DCC: variants seen among roughly 807,000 people sequenced by gnomAD.
The protein encoded by DCC is netrin receptor DCC.
A neutral mutation model predicts 172.5 loss-of-function variants in DCC; 58 were observed. The observed-to-expected ratio is 0.34, with a 90% confidence interval of 0.27 to 0.42. The LOEUF (loss-of-function observed/expected upper bound fraction) is 0.42, where lower values mean the gene tolerates loss of function less well. Ranked by LOEUF, DCC falls within the 10% of genes least tolerant of loss-of-function variation. DCC has a pLI of 1.00. For missense variants in DCC, 1,740 were observed against 1,791.0 expected, an observed-to-expected ratio of 0.97 and a Z score of 0.51; for synonymous variants, 709 against 644.5, an observed-to-expected ratio of 1.10 and a Z score of -1.52.
chr18:52,758,684 C>A (rs1192782884), intron 2 of DCC: 1 of 148,602 alleles, frequency 6.7e-6, no homozygotes, highest in East Asian at 2.0e-4. Context: ...AAAAAAAAAA[C>A]CTTAACTGAA....
intron 2 of DCC, among the ~76,000 whole-genome samples, chr18:52,776,560 A>G (rs1031276519): frequency 6.6e-6 from 1 of 152,170 alleles, no homozygotes; most frequent in Admixed American, 6.5e-5. Context: ...CAAATATATA[A>G]AATAACATCC....
At chr18:52,760,601 T>C (rs1379203113) in intron 2 of DCC, among the ~76,000 whole-genome samples, 1 of 152,216 alleles carries the variant, frequency 6.6e-6, no homozygotes, top group African/African-American at 2.4e-5. Context: ...TTACATTAGA[T>C]AGCACAGTTA....
intron 7 of DCC, among the ~76,000 whole-genome samples, chr18:53,089,242 C>T (rs1210387386): frequency 6.6e-6 from 1 of 152,116 alleles, no homozygotes; most frequent in Non-Finnish European, 1.5e-5. Flanking sequence ...CCTGCCACCA[C>T]ACCCGGCTAA....
At chr18:52,755,343 G>A (rs749741362) in intron 2 of DCC, among the ~76,000 whole-genome samples, 19 of 152,206 alleles carry the variant, frequency 1.2e-4, no homozygotes, top group Non-Finnish European at 2.5e-4. Context: ...ATTTACATGT[G>A]CTGTCTTTCA....
At chr18:53,097,313 A>G (rs561925332) in intron 7 of DCC, among the ~76,000 whole-genome samples, 1 of 152,158 alleles carries the variant, frequency 6.6e-6, no homozygotes. Flanking sequence ...TTGCCCTTCT[A>G]TGTCTGGGAC....
At chr18:52,361,348 GT>G (rs1368329577) in intron 1 of DCC, among the ~76,000 whole-genome samples, 1 of 152,082 alleles carries the variant, frequency 6.6e-6, no homozygotes, top group Admixed American at 6.6e-5. Context: ...GAAAGTTAAT[GT>G]TTATTTTTGC....
intron 13 of DCC, among the ~76,000 whole-genome samples, chr18:53,315,148 G>A (rs1321675750): frequency 6.6e-6 from 1 of 152,110 alleles, no homozygotes. Flanking sequence ...GGTGTATGAT[G>A]TTCCCCTCTC....
intron 3 of DCC, among the ~76,000 whole-genome samples, chr18:52,923,231 A>G (rs1352905950): frequency 6.6e-6 from 1 of 152,198 alleles, no homozygotes; most frequent in Non-Finnish European, 1.5e-5. Flanking sequence ...TCTACTCTTC[A>G]GTACCTGTAC....
intron 5 of DCC, among the ~76,000 whole-genome samples, chr18:52,990,572 G>C (rs1330004430): frequency 8.8e-6 from 1 of 113,280 alleles, no homozygotes; most frequent in Non-Finnish European, 1.9e-5. Context: ...AAAAAGCAAA[G>C]CTCCTTTTTT....
intron 7 of DCC, among the ~76,000 whole-genome samples, chr18:53,080,344 T>C (rs2144133030): frequency 6.6e-6 from 1 of 152,242 alleles, no homozygotes; most frequent in African/African-American, 2.4e-5. Flanking sequence ...CTGAGTCCTT[T>C]GAAGGCCCAT....
rs1568165687 is a variant in DCC, at chr18:52,427,823, C to CTTCCTTCCTTCCTTCCTTT, written c.91+86945_91+86946insTTCCTTCCTTCCTTCCTTT. Among the ~76,000 whole-genome samples, 149 of 67,858 alleles carry CTTCCTTCCTTCCTTCCTTT rather than the reference C, an allele frequency of 2.2e-3. 5 individuals are homozygous for CTTCCTTCCTTCCTTCCTTT. The highest frequency in any genetic ancestry group is 9.7e-3 in the African/African-American group (143 of 14,712). The allele number at this position is 67,858 out of a possible 152,430, so 44.5% of individuals were successfully genotyped here. On this transcript the variant is annotated intron_variant, in intron 1 of 28. Transcript: ENST00000442544. ...ACTTTCTTTTCTTCCTTTCTTCCTTCCTTCCTTCCTTTCTTCCTTCCTTCC... is the reference window on the plus strand; with the variant it reads ...ACTTTCTTTTCTTCCTTTCTTCCTTCTTCCTTCCTTCCTTCCTTTCTTCCTTCCTTTCTTCCTTCCTTCC...
chr18:53,076,190 C>A (rs183490108), intron 7 of DCC, among the ~76,000 whole-genome samples: 8 of 152,238 alleles, frequency 5.3e-5, no homozygotes, highest in Non-Finnish European at 1.0e-4. Flanking sequence ...GCAGCAATAG[C>A]TCAAATTTCA....
intron 1 of DCC, among the ~76,000 whole-genome samples, chr18:52,505,623 T>G (rs2031204838): frequency 6.6e-6 from 1 of 152,302 alleles, no homozygotes; most frequent in East Asian, 1.9e-4. Flanking sequence ...ACATCATAAT[T>G]AAAGAAAACT....
At chr18:52,962,205 C>T (rs1232436663) in intron 5 of DCC, among the ~76,000 whole-genome samples, 1 of 151,610 alleles carries the variant, frequency 6.6e-6, no homozygotes, top group Non-Finnish European at 1.5e-5. Context: ...TCACAACCTA[C>T]TTATCTGACA....
chr18:53,355,155 C>T (rs1481878793), intron 15 of DCC, among the ~76,000 whole-genome samples: 1 of 151,974 alleles, frequency 6.6e-6, no homozygotes, highest in East Asian at 1.9e-4. Context: ...GGTACCAGTA[C>T]CAGGCTGTTT....
chr18:52,794,889 A>C (rs2145213831), intron 2 of DCC, among the ~76,000 whole-genome samples: 1 of 152,116 alleles, frequency 6.6e-6, no homozygotes, highest in South Asian at 2.1e-4. Flanking sequence ...AGAAGATCAT[A>C]TGATTTTTGT....
intron 1 of DCC, among the ~76,000 whole-genome samples, chr18:52,548,778 G>C (rs190881958): frequency 1.3e-5 from 2 of 151,992 alleles, no homozygotes; most frequent in South Asian, 4.1e-4. Context: ...TCAAATTCTG[G>C]AGAAATTTCC....
intron 7 of DCC, among the ~76,000 whole-genome samples, chr18:53,116,790 T>C (rs2043415313): frequency 6.6e-6 from 1 of 151,732 alleles, no homozygotes; most frequent in East Asian, 1.9e-4. Flanking sequence ...TTCTCACCTT[T>C]TCTTGATATA....
rs57042254 is a variant in DCC at position 53,092,360 on chromosome 18, A to G, written c.1261+26194A>G. ...ATTGTACCCTCTTGTCTTTCTTTCT[A>G]TTTTGCCTGTCACTCTCTCCTGCAG... On this transcript the variant is annotated intron_variant, in intron 7 of 28. Transcript: ENST00000442544. 7.9e-3 allele frequency among the ~76,000 whole-genome samples: 1,204 copies of G among 152,194 alleles called. 22 individuals carry two copies. The highest frequency in any genetic ancestry group is 0.028 in the African/African-American group (1,157 of 41,524).
Sources: gnomAD v4.1 joint callset for allele counts (sites outside exome capture counted in the v4.1 genomes callset) on GRCh38, gnomAD v4.1.1 for gene constraint, MANE v1.5 for transcripts, NCBI Gene and HGNC (gene_info 2026-07-23, HGNC 2026-07-21) for gene names.